ZNF740: variants seen among roughly 807,000 people sequenced by gnomAD.
The protein encoded by ZNF740 is zinc finger protein 740.
ZNF740 carries 14 observed loss-of-function variants against 24.8 expected under a neutral mutation model. That is an observed-to-expected ratio of 0.56 (90% CI 0.37 to 0.88). The LOEUF (loss-of-function observed/expected upper bound fraction) is 0.88. ZNF740 is among the 40% of genes least tolerant of loss of function. The pLI, the probability that ZNF740 is intolerant of heterozygous loss-of-function variation, is 0.00. For missense variants in ZNF740, 201 were observed against 247.9 expected, an observed-to-expected ratio of 0.81 and a Z score of 1.27; for synonymous variants, 69 against 84.0, an observed-to-expected ratio of 0.82 and a Z score of 0.98.
Position 53,185,477 on chromosome 12 carries a change from G to T in ZNF740, c.249+1G>T, listed in dbSNP as rs1019211648. On this transcript the variant is annotated splice_donor_variant, in intron 4 of 6. Transcript: ENST00000416904. LOFTEE classifies it high-confidence loss of function. Reference sequence around the variant, plus strand: ...TCATTCAAAAAAGACTGTTAAAAAGGCAGGTAATGGGGTGATCCCCCAAAC... The same window carrying T: ...TCATTCAAAAAAGACTGTTAAAAAGTCAGGTAATGGGGTGATCCCCCAAAC... 1.2e-6 allele frequency: 2 copies of T among 1,613,606 alleles called. No individual in the cohort carries two copies. The highest frequency in any genetic ancestry group is 1.7e-6 in the Non-Finnish European group (2 of 1,179,702).
intron 4 of ZNF740, 64 bp from the exon 5 acceptor site, chr12:53,185,890 T>C: frequency 6.3e-7 from 1 of 1,589,018 alleles, no homozygotes; most frequent in Non-Finnish European, 8.6e-7. Flanking sequence ...GGACCCAGAG[T>C]AGAACAGTGT....
intron 2 of ZNF740, among the ~76,000 whole-genome samples, chr12:53,184,176 GGTGTGT>G (rs143795685): frequency 9.4e-5 from 12 of 128,070 alleles, no homozygotes; most frequent in Admixed American, 3.1e-4. Flanking sequence ...GAAGCTAAGG[GGTGTGT>G]GTGTGTGTGT....
intron 4 of ZNF740, among the ~76,000 whole-genome samples, chr12:53,185,747 C>T (rs1212033492): frequency 6.6e-6 from 1 of 152,210 alleles, no homozygotes; most frequent in Non-Finnish European, 1.5e-5. Flanking sequence ...ACTCAGACTG[C>T]TGGGTTTGAC....
At chr12:53,182,081 C>A in intron 2 of ZNF740, 89 bp downstream of exon 2, 1 of 1,527,532 alleles carries the variant, frequency 6.5e-7, no homozygotes, top group Non-Finnish European at 8.9e-7. Context: ...ACATATTGAC[C>A]AACCCCAGTG....
intron 2 of ZNF740, 94 bp downstream of exon 2, chr12:53,182,086 C>A: frequency 6.6e-7 from 1 of 1,516,278 alleles, no homozygotes; most frequent in East Asian, 2.4e-5. Flanking sequence ...TTGACCAACC[C>A]CAGTGATCCA....
At position 53,181,771 on chromosome 12, in the gene ZNF740, A is replaced by G; in HGVS notation, c.-213A>G. On this transcript the variant is annotated 5_prime_UTR_variant, in exon 2 of 7. Coordinates refer to ENST00000416904, the MANE Select transcript of ZNF740 (RefSeq NM_001004304.4). ...TTTCTTCAGACAATAGGCAGGAGCC[A>G]GGCAGAGTCCAGGGATTCTTGGAAC... 1.6e-6 allele frequency: 1 copy of G among 632,098 alleles called. No individual in the cohort carries two copies. The allele number at this position is 632,098 out of a possible 1,614,324, so 39.2% of individuals were successfully genotyped here. A position where few individuals can be genotyped will look rare whatever the true frequency, so the allele number is the denominator to read the frequency against.
Position 53,187,728 on chromosome 12 carries a change from T to G in ZNF740, c.*138T>G. On this transcript the variant is annotated 3_prime_UTR_variant, in exon 7 of 7. Coordinates refer to ENST00000416904, the MANE Select transcript of ZNF740 (RefSeq NM_001004304.4). ...GAGTGGACCCAGGAGACCAGAAGAG[T>G]GCATCAGGGGACAGTGGCCCCAGAA... is the stretch of plus-strand genomic sequence containing the variant. 2 of 668,292 alleles carry G rather than the reference T, an allele frequency of 3.0e-6. No individual in the cohort carries two copies. The highest frequency in any genetic ancestry group is 5.3e-6 in the Non-Finnish European group (2 of 375,020). The allele number at this position is 668,292 out of a possible 1,614,324, so 41.4% of individuals were successfully genotyped here.
In ZNF740 at chr12:53,193,767, G is replaced by A; in HGVS notation, c.*6177G>A. On this transcript the variant is annotated 3_prime_UTR_variant, in exon 7 of 7. Coordinates refer to ENST00000416904, the MANE Select transcript of ZNF740 (RefSeq NM_001004304.4). ...CACTGCAGTGGGGAGCCTGGGGCTG[G>A]GTGTCACTGCAATTACAGTCACACA... 1 of 1,613,968 alleles carries A rather than the reference G, an allele frequency of 6.2e-7. No homozygotes were observed. Among genetic ancestry groups the A allele is most frequent in the Non-Finnish European group, 8.5e-7 (1 of 1,179,980 alleles).
intron 6 of ZNF740, 49 bp downstream of exon 6, chr12:53,186,558 A>G: frequency 6.9e-7 from 1 of 1,456,832 alleles, no homozygotes; most frequent in Non-Finnish European, 9.4e-7. Context: ...TTCCTTCCCC[A>G]AGAATCAGGG....
chr12:53,192,610 G>A lies in ZNF740; in HGVS notation c.*5020G>A. 1 of 1,597,586 alleles carries A rather than the reference G, an allele frequency of 6.3e-7. No homozygotes were observed. Among genetic ancestry groups the A allele is most frequent in the Non-Finnish European group, 8.6e-7 (1 of 1,167,420 alleles). ...AATGCCCCTTGCCCAACTACAAGCAGGACGGAGAGTAGGCAGATGGGAGTA... is the reference window on the plus strand; with the variant it reads ...AATGCCCCTTGCCCAACTACAAGCAAGACGGAGAGTAGGCAGATGGGAGTA... On this transcript the variant is annotated 3_prime_UTR_variant, in exon 7 of 7. Transcript: ENST00000416904.
At chr12:53,180,880 G>A in intron 1 of ZNF740, 43 bp downstream of exon 1, 1 of 1,203,504 alleles carries the variant, frequency 8.3e-7, no homozygotes, top group Non-Finnish European at 1.1e-6. Context: ...CCGTACAGAC[G>A]GCAGCGCTTC....
Position 53,193,609 on chromosome 12 carries a change from G to A in ZNF740, c.*6019G>A. ...CTGAGTGGGGAGTCGGGATGTCGAG[G>A]AGACTCCTGTGGGGGGGATGGAAAG... On this transcript the variant is annotated 3_prime_UTR_variant, in exon 7 of 7. Coordinates refer to ENST00000416904, the MANE Select transcript of ZNF740 (RefSeq NM_001004304.4). 1 of 1,080,470 alleles carries A rather than the reference G, an allele frequency of 9.3e-7. No homozygotes were observed. Among genetic ancestry groups the A allele is most frequent in the Non-Finnish European group, 1.3e-6 (1 of 755,890 alleles). 66.9% of individuals were successfully genotyped at this position (1,080,470 alleles called of 1,614,324 possible).
intron 1 of ZNF740, 48 bp downstream of exon 1, chr12:53,180,885 C>T (rs1436006680): frequency 1.7e-6 from 2 of 1,180,912 alleles, no homozygotes; most frequent in Non-Finnish European, 1.1e-6. Flanking sequence ...CAGACGGCAG[C>T]GCTTCAGTAG....
rs950673632 is a variant in ZNF740 at position 53,193,009 on chromosome 12, T to C, written c.*5419T>C. The C allele has an allele frequency of 3.5e-5, 49 of 1,380,926 alleles. No homozygotes were observed. The highest frequency in any genetic ancestry group is 5.7e-5 in the Admixed American group (3 of 52,398). The allele number at this position is 1,380,926 out of a possible 1,614,324, so 85.5% of individuals were successfully genotyped here. A position where few individuals can be genotyped will look rare whatever the true frequency, so the allele number is the denominator to read the frequency against. ...CCACGCATCCAATCTTTTTGAAGTA[T>C]GCCAACCACACCCTCTAACCCATAC... On this transcript the variant is annotated 3_prime_UTR_variant, in exon 7 of 7. Coordinates refer to ENST00000416904, the MANE Select transcript of ZNF740 (RefSeq NM_001004304.4).
intron 1 of ZNF740, 96 bp downstream of exon 1, chr12:53,180,933 G>A (rs1941568912): frequency 2.0e-6 from 2 of 1,009,378 alleles, no homozygotes; most frequent in Non-Finnish European, 2.4e-6. Context: ...AAGGGGGAGG[G>A]GAGGGGAGGA....
At position 53,190,251 on chromosome 12, in the gene ZNF740, A is replaced by G. The variant is rs1297628612; in HGVS notation, c.*2661A>G. ...CACGGATACCCCAGGGAAGCCACTGACTCACACCGCTGCAGAGGCTCCTGG... is the reference window on the plus strand; with the variant it reads ...CACGGATACCCCAGGGAAGCCACTGGCTCACACCGCTGCAGAGGCTCCTGG... On this transcript the variant is annotated 3_prime_UTR_variant, in exon 7 of 7. Coordinates refer to ENST00000416904, the MANE Select transcript of ZNF740 (RefSeq NM_001004304.4). 6.6e-6 allele frequency: 1 copy of G among 152,482 alleles called. No individual in the cohort carries two copies. Among genetic ancestry groups the G allele is most frequent in the African/African-American group, 2.4e-5 (1 of 41,376 alleles). The allele number at this position is 152,482 out of a possible 1,614,324, so 9.4% of individuals were successfully genotyped here.
In ZNF740 at chr12:53,191,531, C is replaced by A; in HGVS notation, c.*3941C>A. 1 of 1,566,224 alleles carries A rather than the reference C, an allele frequency of 6.4e-7. No individual in the cohort carries two copies. Among genetic ancestry groups the A allele is most frequent in the East Asian group, 2.2e-5 (1 of 44,634 alleles). On this transcript the variant is annotated 3_prime_UTR_variant, in exon 7 of 7. Transcript: ENST00000416904. ...TCCCACTGTCCTCCAAGGAGAAGAGCCTTGGGTAAGTGTCCCTCCCTCCTT... is the reference window on the plus strand; with the variant it reads ...TCCCACTGTCCTCCAAGGAGAAGAGACTTGGGTAAGTGTCCCTCCCTCCTT...
Position 53,192,571 on chromosome 12 carries a change from G to T in ZNF740, c.*4981G>T. 6.2e-7 allele frequency: 1 copy of T among 1,608,576 alleles called. No individual in the cohort carries two copies. ...GTAGATGCCAATAGGTTACCAGCTG[G>T]GCAGTTGTCACCCAATGCCCCTTGC... On this transcript the variant is annotated 3_prime_UTR_variant, in exon 7 of 7. Coordinates refer to ENST00000416904, the MANE Select transcript of ZNF740 (RefSeq NM_001004304.4).
chr12:53,193,468 C>T lies in ZNF740; in HGVS notation c.*5878C>T, dbSNP rs1005558985. The T allele has an allele frequency of 1.6e-5, 14 of 858,292 alleles. No individual in the cohort carries two copies. Among genetic ancestry groups the T allele is most frequent in the Non-Finnish European group, 2.3e-5 (13 of 566,122 alleles). 53.2% of individuals were successfully genotyped at this position (858,292 alleles called of 1,614,324 possible). The stretch of plus-strand genomic sequence containing the variant: ...CCCAAGTTCTCAAAAGAGTTGGAGA[C>T]AGACAAACAGCTGAAAGGATGTTAA... On this transcript the variant is annotated 3_prime_UTR_variant, in exon 7 of 7. Transcript: ENST00000416904.
Sources: allele counts gnomAD v4.1 joint callset (sites outside exome capture counted in the v4.1 genomes callset), GRCh38; gene constraint gnomAD v4.1.1; transcripts MANE v1.5; gene names NCBI Gene and HGNC (gene_info 2026-07-23, HGNC 2026-07-21).